Variants in RBFOX1 observed in about 807,000 individuals in gnomAD.
The protein encoded by RBFOX1 is RNA binding protein fox-1 homolog 1.
RBFOX1 carries 8 observed loss-of-function variants against 57.7 expected under a neutral mutation model. That is an observed-to-expected ratio of 0.14 (90% CI 0.08 to 0.25). The LOEUF (loss-of-function observed/expected upper bound fraction) is 0.25. RBFOX1 is among the 10% of genes least tolerant of loss of function. The pLI is 1.00. For synonymous variants in RBFOX1, 326 were observed against 222.4 expected, an observed-to-expected ratio of 1.47 and a Z score of -4.15; for missense variants, 611 against 548.5, an observed-to-expected ratio of 1.11 and a Z score of -1.14.
At chr16:7,012,489 A>T (rs1327063359) in intron 3 of RBFOX1, among the ~76,000 whole-genome samples, 1 of 152,202 alleles carries the variant, frequency 6.6e-6, no homozygotes, top group Non-Finnish European at 1.5e-5. Context: ...TTCCCAAGCC[A>T]TGTTAATAAC....
intron 13 of RBFOX1, among the ~76,000 whole-genome samples, chr16:7,667,809 G>A (rs1201024233): frequency 2.0e-5 from 3 of 152,082 alleles, no homozygotes; most frequent in Admixed American, 1.3e-4. Context: ...GAGTAGCTGG[G>A]ATTACAGGCG....
chr16:7,278,751 A>G (rs1255238680), intron 4 of RBFOX1, among the ~76,000 whole-genome samples: 2 of 152,256 alleles, frequency 1.3e-5, no homozygotes, highest in African/African-American at 4.8e-5. Flanking sequence ...TGAACTTAAA[A>G]TATCATTTGT....
chr16:7,284,252 T>A (rs1035289699), intron 4 of RBFOX1, among the ~76,000 whole-genome samples: 1 of 152,236 alleles, frequency 6.6e-6, no homozygotes, highest in Admixed American at 6.5e-5. Flanking sequence ...TACAGGTAAT[T>A]CTGTATAACA....
chr16:7,492,680 G>T (rs1229636012), intron 4 of RBFOX1, among the ~76,000 whole-genome samples: 1 of 152,112 alleles, frequency 6.6e-6, no homozygotes, highest in Non-Finnish European at 1.5e-5. Context: ...TTTTATGAGT[G>T]GTTTAGTGCC....
chr16:5,638,427 T>C (rs2048756283), intron 3 of RBFOX1, among the ~76,000 whole-genome samples: 2 of 152,116 alleles, frequency 1.3e-5, no homozygotes, highest in African/African-American at 2.4e-5. Context: ...GGAGTAACCA[T>C]GATGATTGAA....
intron 1 of RBFOX1, among the ~76,000 whole-genome samples, chr16:6,058,630 C>A (rs1215819818): frequency 1.3e-5 from 2 of 149,570 alleles, no homozygotes; most frequent in African/African-American, 5.0e-5. Flanking sequence ...ATCCATCTAC[C>A]CACCCATCCA....
chr16:7,217,221 C>G (rs1045233792), intron 4 of RBFOX1, among the ~76,000 whole-genome samples: 5 of 151,230 alleles, frequency 3.3e-5, no homozygotes, highest in African/African-American at 1.2e-4. Flanking sequence ...TCTCCTCCCA[C>G]AGCAGGAGTA....
At chr16:7,651,031 A>T (rs1005507036) in intron 11 of RBFOX1, among the ~76,000 whole-genome samples, 2 of 152,166 alleles carry the variant, frequency 1.3e-5, no homozygotes, top group Admixed American at 6.5e-5. Context: ...TGGCAAAAAA[A>T]GTTAAATAAA....
rs113579690 is a variant in RBFOX1, at chr16:6,849,251, C to T, written c.-16+194601C>T. 2.6e-5 allele frequency among the ~76,000 whole-genome samples: 4 copies of T among 152,196 alleles called. No individual in the cohort carries two copies. In the South Asian group the frequency reaches 6.2e-4, roughly 24 times the overall value. ...AGTGAGCTTTTAATACTGAGGAAGT[C>T]TTTCCGTGGCACCTAAAAGTTAGCT... is the stretch of plus-strand genomic sequence containing the variant. On this transcript the variant is annotated intron_variant, in intron 3 of 15. Transcript: ENST00000550418.
chr16:6,912,097 C>G (rs190320275), intron 3 of RBFOX1, among the ~76,000 whole-genome samples: 128 of 152,264 alleles, frequency 8.4e-4, no homozygotes, highest in African/African-American at 2.9e-3. Flanking sequence ...CTTTTTTTAG[C>G]TCTATCATTT....
intron 5 of RBFOX1, among the ~76,000 whole-genome samples, chr16:7,530,546 C>T (rs1032897442): frequency 2.6e-5 from 4 of 151,978 alleles, no homozygotes; most frequent in African/African-American, 9.6e-5. Context: ...TTCTCTCCTG[C>T]TGCTCCTGGT....
intron 4 of RBFOX1, among the ~76,000 whole-genome samples, chr16:7,385,575 T>G (rs1177973360): frequency 6.6e-6 from 1 of 152,116 alleles, no homozygotes; most frequent in African/African-American, 2.4e-5. Context: ...AAGGCCATGG[T>G]TATTTGCCAA....
intron 3 of RBFOX1, among the ~76,000 whole-genome samples, chr16:6,780,863 T>C (rs964659102): frequency 6.6e-6 from 1 of 152,024 alleles, no homozygotes; most frequent in Non-Finnish European, 1.5e-5. Context: ...TGTACCAAGT[T>C]GTTTGAGCTC....
chr16:5,579,973 C>A (rs1375565717), intron 2 of RBFOX1, among the ~76,000 whole-genome samples: 1 of 152,108 alleles, frequency 6.6e-6, no homozygotes, highest in Non-Finnish European at 1.5e-5. Flanking sequence ...GTTTCACCAA[C>A]ATGGCTGGAC....
intron 4 of RBFOX1, among the ~76,000 whole-genome samples, chr16:7,437,069 A>C (rs2098727794): frequency 6.6e-6 from 1 of 152,170 alleles, no homozygotes; most frequent in Admixed American, 6.5e-5. Context: ...TGACAGAGCG[A>C]GACTCTGTCT....
intron 4 of RBFOX1, among the ~76,000 whole-genome samples, chr16:7,440,756 G>T (rs537954399): frequency 6.6e-6 from 1 of 152,102 alleles, no homozygotes; most frequent in African/African-American, 2.4e-5. Flanking sequence ...GAAACCCAGG[G>T]CTTTGCATCT....
intron 3 of RBFOX1, among the ~76,000 whole-genome samples, chr16:6,881,552 C>A (rs1174577564): frequency 6.6e-6 from 1 of 152,192 alleles, no homozygotes; most frequent in Non-Finnish European, 1.5e-5. Context: ...TCCAAACATG[C>A]ATACTCCTCT....
intron 3 of RBFOX1, among the ~76,000 whole-genome samples, chr16:6,896,792 G>A (rs758960125): frequency 5.9e-5 from 9 of 152,142 alleles, no homozygotes; most frequent in Admixed American, 2.0e-4. Flanking sequence ...ATGAGAGGTG[G>A]GAGCATTTGA....
At chr16:5,492,270 T>A (rs557431301) in intron 2 of RBFOX1, among the ~76,000 whole-genome samples, 1 of 152,376 alleles carries the variant, frequency 6.6e-6, no homozygotes, top group African/African-American at 2.4e-5. Flanking sequence ...CACAGGTACC[T>A]GTTTTTCCCA....
Sources: gnomAD v4.1 joint callset for allele counts (sites outside exome capture counted in the v4.1 genomes callset) on GRCh38, gnomAD v4.1.1 for gene constraint, MANE v1.5 for transcripts, NCBI Gene and HGNC (gene_info 2026-07-23, HGNC 2026-07-21) for gene names.